CPAMD8: variants seen among roughly 807,000 people sequenced by gnomAD.
The protein encoded by CPAMD8 is C3 and PZP like alpha-2-macroglobulin domain containing 8.
A neutral mutation model predicts 224.7 loss-of-function variants in CPAMD8; 146 were observed. The observed-to-expected ratio is 0.65, with a 90% CI of 0.57 to 0.75. The LOEUF (loss-of-function observed/expected upper bound fraction) is 0.75. Ranked by LOEUF, CPAMD8 falls within the 30% of genes least tolerant of loss-of-function variation. CPAMD8 has a pLI of 0.00. For synonymous variants in CPAMD8, 966 were observed against 1,044.6 expected (o/e 0.92, Z 1.45); for missense variants, 2,301 against 2,537.5 (o/e 0.91, Z 2.00).
intron 18 of CPAMD8, among the ~76,000 whole-genome samples, chr19:16,966,167 G>T (rs184776506): frequency 9.9e-5 from 15 of 152,258 alleles, no homozygotes; most frequent in Admixed American, 7.2e-4. Flanking sequence ...GAACAGAACA[G>T]AGGCCTCAGA....
intron 29 of CPAMD8, among the ~76,000 whole-genome samples, chr19:16,914,130 AG>A (rs921352380): frequency 6.6e-6 from 1 of 152,136 alleles, no homozygotes; most frequent in Non-Finnish European, 1.5e-5. Flanking sequence ...GATTCTCTGA[AG>A]GAGGTCTAGG....
chr19:16,952,458 C>T (rs1163895374), intron 19 of CPAMD8, among the ~76,000 whole-genome samples: 1 of 152,186 alleles, frequency 6.6e-6, no homozygotes. Context: ...TGGGAGACTG[C>T]CCGAGCCCAG....
intron 18 of CPAMD8, among the ~76,000 whole-genome samples, chr19:16,967,329 G>C (rs965876816): frequency 6.8e-6 from 1 of 146,030 alleles, no homozygotes; most frequent in African/African-American, 2.6e-5. Context: ...TCACACTCTG[G>C]GGCCTGTCGG....
chr19:16,921,299 T>C (rs922897735), intron 27 of CPAMD8, among the ~76,000 whole-genome samples: 3 of 151,964 alleles, frequency 2.0e-5, no homozygotes, highest in Non-Finnish European at 2.9e-5. Context: ...AGGGTGGCAA[T>C]CTCCGAGAAG....
chr19:16,896,395 T>A, intron 40 of CPAMD8, 61 bp downstream of exon 40: 1 of 1,513,072 alleles, frequency 6.6e-7, no homozygotes, highest in South Asian at 1.3e-5. Flanking sequence ...GGGGAGGAGA[T>A]CCGTGGCCCA....
intron 29 of CPAMD8, chr19:16,910,497 G>A (rs1051825198): frequency 6.7e-6 from 1 of 149,974 alleles, no homozygotes; most frequent in Non-Finnish European, 1.5e-5. Context: ...ATTAGTGACA[G>A]GTCTCACTAT....
chr19:16,896,067 G>C (rs768096624), intron 41 of CPAMD8, 109 bp downstream of exon 41: 17 of 1,256,070 alleles, frequency 1.4e-5, no homozygotes, highest in Non-Finnish European at 1.7e-5. Flanking sequence ...TGGGGGGTCG[G>C]GGCGGGGCGG....
chr19:16,916,598 G>A (rs1309995095), intron 27 of CPAMD8, among the ~76,000 whole-genome samples: 2 of 151,838 alleles, frequency 1.3e-5, no homozygotes, highest in African/African-American at 4.8e-5. Context: ...AATTAGCCAG[G>A]CGTGGTGGCG....
chr19:16,937,434 T>C (rs1006637313), intron 23 of CPAMD8, among the ~76,000 whole-genome samples: 7 of 152,086 alleles, frequency 4.6e-5, no homozygotes, highest in African/African-American at 1.7e-4. Flanking sequence ...CCATTTAGGG[T>C]TCATTCTCGT....
intron 8 of CPAMD8, chr19:17,002,556 T>C: frequency 2.1e-6 from 1 of 468,732 alleles, no homozygotes; most frequent in Non-Finnish European, 3.8e-6. Flanking sequence ...TAGGACCCCA[T>C]TTTCCTCAAG....
At chr19:17,000,302 T>G (rs2056268309) in intron 10 of CPAMD8, 112 bp downstream of exon 10, 1 of 597,742 alleles carries the variant, frequency 1.7e-6, no homozygotes, top group Non-Finnish European at 3.1e-6. Flanking sequence ...CAAAAACTTT[T>G]TAAAGGCAGT....
chr19:16,951,801 C>T (rs895145036), intron 20 of CPAMD8, among the ~76,000 whole-genome samples, 168 bp downstream of exon 20: 5 of 152,120 alleles, frequency 3.3e-5, no homozygotes, highest in African/African-American at 9.7e-5. Context: ...CTCCCCAAAG[C>T]CCCCCAGGCT....
At chr19:16,930,206 G>C (rs1285010180) in intron 23 of CPAMD8, among the ~76,000 whole-genome samples, 4 of 151,528 alleles carry the variant, frequency 2.6e-5, no homozygotes, top group African/African-American at 9.7e-5. Flanking sequence ...AGTGAGCTGA[G>C]ATCGTGCCAC....
intron 2 of CPAMD8, among the ~76,000 whole-genome samples, chr19:17,021,548 C>G (rs189057066): frequency 6.6e-6 from 1 of 152,166 alleles, no homozygotes; most frequent in East Asian, 1.9e-4. Context: ...ACTATCTTGA[C>G]CAGGAGGCTG....
chr19:17,005,566 G>A (rs1357916622), intron 7 of CPAMD8, among the ~76,000 whole-genome samples: 1 of 152,128 alleles, frequency 6.6e-6, no homozygotes, highest in Non-Finnish European at 1.5e-5. Context: ...GAGCCATGGA[G>A]GAGTTGGAAA....
intron 26 of CPAMD8, among the ~76,000 whole-genome samples, chr19:16,924,225 G>A (rs528315673): frequency 1.1e-4 from 17 of 151,766 alleles, no homozygotes; most frequent in Non-Finnish European, 2.1e-4. Flanking sequence ...GCATTTTGTT[G>A]TGGCAGTTTT....
chr19:16,903,958 G>C, intron 32 of CPAMD8, 101 bp from the exon 33 acceptor site: 1 of 1,228,566 alleles, frequency 8.1e-7, no homozygotes, highest in Non-Finnish European at 1.1e-6. Context: ...GGCACCAACG[G>C]GGCTGGAATA....
At chr19:16,952,503 C>T (rs991372926) in intron 19 of CPAMD8, among the ~76,000 whole-genome samples, 5 of 152,070 alleles carry the variant, frequency 3.3e-5, no homozygotes, top group South Asian at 2.1e-4. Context: ...ATGATGAGAC[C>T]GTGTTGCTAC....
intron 1 of CPAMD8, among the ~76,000 whole-genome samples, chr19:17,025,138 C>T (rs765063176): frequency 2.6e-5 from 4 of 152,158 alleles, no homozygotes; most frequent in African/African-American, 4.8e-5. Flanking sequence ...GGGCCAGGCA[C>T]GGTGACTCAC....
Sources: gnomAD v4.1 joint callset for allele counts (sites outside exome capture counted in the v4.1 genomes callset) on GRCh38, gnomAD v4.1.1 for gene constraint, MANE v1.5 for transcripts, NCBI Gene and HGNC (gene_info 2026-07-23, HGNC 2026-07-21) for gene names.